NRXN3: variants seen among roughly 807,000 people sequenced by gnomAD.
The protein encoded by NRXN3 is neurexin III.
Under a neutral mutation model 137.6 loss-of-function variants are expected in NRXN3, and 32 were observed. The observed-to-expected ratio is 0.23, with a 90% CI of 0.18 to 0.31. The LOEUF (loss-of-function observed/expected upper bound fraction) is 0.31. NRXN3 is among the 10% of genes least tolerant of loss of function. The probability of loss-of-function intolerance (pLI) is 1.00; values close to 1 mark genes in which losing one functional copy is unlikely to be tolerated. For missense variants in NRXN3, 1,574 were observed against 2,062.5 expected (o/e 0.76, Z 4.59); for synonymous variants, 798 against 784.5 (o/e 1.02, Z -0.29).
intron 16 of NRXN3, among the ~76,000 whole-genome samples, chr14:79,526,109 G>A (rs1250351810): frequency 3.3e-5 from 5 of 152,044 alleles, no homozygotes; most frequent in East Asian, 1.9e-4. Context: ...GTGCAATGGC[G>A]TGATCTCGGC....
At chr14:79,433,283 A>G (rs2095793141) in intron 15 of NRXN3, among the ~76,000 whole-genome samples, 1 of 152,134 alleles carries the variant, frequency 6.6e-6, no homozygotes, top group Non-Finnish European at 1.5e-5. Flanking sequence ...CAGACTTGGG[A>G]AATCCTAAAA....
At chr14:78,615,382 C>T (rs540225107) in intron 4 of NRXN3, among the ~76,000 whole-genome samples, 2 of 149,730 alleles carry the variant, frequency 1.3e-5, no homozygotes, top group South Asian at 4.3e-4. Flanking sequence ...GGGTGGATCA[C>T]GAGTTCAGGA....
intron 10 of NRXN3, among the ~76,000 whole-genome samples, chr14:78,877,696 T>A (rs2099117143): frequency 6.6e-6 from 1 of 152,182 alleles, no homozygotes; most frequent in Admixed American, 6.5e-5. Context: ...GTAGAAATAG[T>A]AAAAGCAAAT....
intron 20 of NRXN3, among the ~76,000 whole-genome samples, chr14:79,847,165 C>T (rs2099378882): frequency 6.6e-6 from 1 of 152,146 alleles, no homozygotes; most frequent in African/African-American, 2.4e-5. Flanking sequence ...TTTGGAGTAT[C>T]TGACTCAGCA....
intron 11 of NRXN3, among the ~76,000 whole-genome samples, chr14:78,960,308 A>G (rs1339707067): frequency 6.6e-6 from 1 of 152,174 alleles, no homozygotes; most frequent in East Asian, 1.9e-4. Context: ...GGAAATTTTA[A>G]TTTTAGTTCA....
intron 4 of NRXN3, among the ~76,000 whole-genome samples, chr14:78,504,705 A>C (rs2095948840): frequency 6.6e-6 from 1 of 152,148 alleles, no homozygotes; most frequent in African/African-American, 2.4e-5. Context: ...TAATCATATG[A>C]GTCCTTTGAT....
At chr14:79,842,272 T>C (rs1237193316) in intron 20 of NRXN3, among the ~76,000 whole-genome samples, 1 of 152,140 alleles carries the variant, frequency 6.6e-6, no homozygotes, top group Non-Finnish European at 1.5e-5. Context: ...CAGAGAATCA[T>C]GAGGAGTTGA....
intron 19 of NRXN3, among the ~76,000 whole-genome samples, chr14:79,801,444 G>A (rs2099180276): frequency 6.6e-6 from 1 of 152,190 alleles, no homozygotes; most frequent in Admixed American, 6.5e-5. Context: ...ATTAGGAGTG[G>A]CTATCAGGCT....
At chr14:79,643,895 C>A (rs1667417798) in intron 16 of NRXN3, among the ~76,000 whole-genome samples, 1 of 135,504 alleles carries the variant, frequency 7.4e-6, no homozygotes, top group African/African-American at 2.5e-5. Context: ...CCTTTACCAC[C>A]TTCTATGTTT....
chr14:79,397,946 G>A (rs2095073609), intron 15 of NRXN3, among the ~76,000 whole-genome samples: 1 of 152,180 alleles, frequency 6.6e-6, no homozygotes, highest in Non-Finnish European at 1.5e-5. Context: ...TTCTGTGCCT[G>A]GCTAGCAGGT....
intron 1 of NRXN3, among the ~76,000 whole-genome samples, chr14:78,203,229 G>C (rs2061841492): frequency 6.6e-6 from 1 of 152,234 alleles, no homozygotes; most frequent in African/African-American, 2.4e-5. Flanking sequence ...TGGTTTGTGA[G>C]AGGGGGCAAC....
At chr14:79,496,237 T>TCG (rs1480881457) in intron 16 of NRXN3, among the ~76,000 whole-genome samples, 1 of 144,894 alleles carries the variant, frequency 6.9e-6, no homozygotes, top group Admixed American at 6.8e-5. Flanking sequence ...TCTCTCTCTC[T>TCG]CACACACACA....
chr14:78,959,731 C>A (rs1013119820), intron 11 of NRXN3, among the ~76,000 whole-genome samples: 1 of 152,140 alleles, frequency 6.6e-6, no homozygotes, highest in African/African-American at 2.4e-5. Flanking sequence ...ATTTAGCGCC[C>A]GCAGCCAACC....
intron 4 of NRXN3, among the ~76,000 whole-genome samples, chr14:78,347,229 C>T (rs1047117708): frequency 6.6e-6 from 1 of 152,114 alleles, no homozygotes; most frequent in Non-Finnish European, 1.5e-5. Flanking sequence ...AAACAACAGT[C>T]TTATGTATTT....
chr14:78,716,073 G>A (rs1291194254), intron 8 of NRXN3, among the ~76,000 whole-genome samples: 1 of 152,124 alleles, frequency 6.6e-6, no homozygotes, highest in Non-Finnish European at 1.5e-5. Flanking sequence ...AGGGGCATGA[G>A]AGGGGACCAA....
At chr14:78,792,777 G>T (rs543900444) in intron 8 of NRXN3, among the ~76,000 whole-genome samples, 1 of 152,136 alleles carries the variant, frequency 6.6e-6, no homozygotes, top group Non-Finnish European at 1.5e-5. Flanking sequence ...ATAAAATTGA[G>T]CATAAAATCA....
chr14:78,355,643 C>T (rs527736516), intron 4 of NRXN3, among the ~76,000 whole-genome samples: 1 of 152,314 alleles, frequency 6.6e-6, no homozygotes, highest in Non-Finnish European at 1.5e-5. Context: ...TGGTCTTGAA[C>T]TGCTGGCCTG....
intron 16 of NRXN3, among the ~76,000 whole-genome samples, chr14:79,570,355 A>G (rs1282889428): frequency 1.3e-5 from 2 of 152,184 alleles, no homozygotes; most frequent in African/African-American, 4.8e-5. Context: ...CCCAAAGCCA[A>G]GCACAGCTGT....
At chr14:79,839,224 A>G (rs1206175416) in intron 20 of NRXN3, among the ~76,000 whole-genome samples, 4 of 152,038 alleles carry the variant, frequency 2.6e-5, no homozygotes, top group Middle Eastern at 3.4e-3. Flanking sequence ...ACCACACAAA[A>G]AAACCTGACC....
Sources: allele counts gnomAD v4.1 joint callset (sites outside exome capture counted in the v4.1 genomes callset), GRCh38; gene constraint gnomAD v4.1.1; transcripts MANE v1.5; gene names NCBI Gene and HGNC (gene_info 2026-07-23, HGNC 2026-07-21).